GNG7: variants seen among roughly 807,000 people sequenced by gnomAD.
GNG7 encodes the protein guanine nucleotide-binding protein G(I)/G(S)/G(O) subunit gamma-7.
A neutral mutation model predicts 4.0 loss-of-function variants in GNG7; 1 was observed. That is an observed-to-expected ratio of 0.25 (90% CI 0.09 to 1.18). The LOEUF (loss-of-function observed/expected upper bound fraction) is 1.18, where lower values mean the gene tolerates loss of function less well. GNG7 is among the 50% of genes most tolerant of loss of function. The pLI is 0.50. For missense variants in GNG7, 86 were observed against 91.9 expected (o/e 0.94, Z 0.26); for synonymous variants, 34 against 36.9 (o/e 0.92, Z 0.29).
At chr19:2,549,799 CAG>C (rs892153133) in intron 3 of GNG7, among the ~76,000 whole-genome samples, 88 of 152,238 alleles carry the variant, frequency 5.8e-4, no homozygotes, top group African/African-American at 2.0e-3. Flanking sequence ...GCGGGGGTGA[CAG>C]GGGAGCCAGC....
rs1242201170 is a variant in GNG7 at position 2,541,152 on chromosome 19, CCT to C, written c.-38+13995_-38+13996del. On this transcript the variant is annotated intron_variant, in intron 3 of 4. Coordinates refer to ENST00000382159, the MANE Select transcript of GNG7 (RefSeq NM_052847.3). ...GGGTTCCTCCATCGGCAGGGAAGGT[CCT>C]GAGTCCCCCAGACCCTGTTAAAAGA... 7.9e-5 allele frequency among the ~76,000 whole-genome samples: 12 copies of C among 152,294 alleles called. No homozygotes were observed. In the East Asian group the frequency reaches 2.3e-3, roughly 29 times the overall value.
rs1033603494 is a variant in GNG7 at position 2,609,818 on chromosome 19, G to T, written c.-78+36406C>A. On this transcript the variant is annotated intron_variant, in intron 2 of 4. Transcript: ENST00000382159. The surrounding 1 kb of genome is among the most constrained non-coding windows in gnomAD (Gnocchi z 4.4). ...TAGGACAATCCAGTGGGACCTGGGG[G>T]TGCCTCTGGGCCATTGGGGGACCCT... 2.0e-5 allele frequency among the ~76,000 whole-genome samples: 3 copies of T among 152,156 alleles called. No homozygotes were observed. The highest frequency in any genetic ancestry group is 7.2e-5 in the African/African-American group (3 of 41,426).
chr19:2,629,638 G>T (rs1415364996), intron 2 of GNG7, among the ~76,000 whole-genome samples: 1 of 152,204 alleles, frequency 6.6e-6, no homozygotes. Context: ...GAAGACAGAA[G>T]AGCGTAGCCC....
At chr19:2,572,289 G>T (rs1362189612) in intron 2 of GNG7, among the ~76,000 whole-genome samples, 2 of 152,120 alleles carry the variant, frequency 1.3e-5, no homozygotes, top group African/African-American at 4.8e-5. Context: ...ACGTATCTGG[G>T]ACTATAGGTG....
chr19:2,569,503 C>T (rs1980081232), intron 2 of GNG7, among the ~76,000 whole-genome samples: 1 of 152,142 alleles, frequency 6.6e-6, no homozygotes, highest in Admixed American at 6.5e-5. Context: ...TCTCGATCTC[C>T]TGACCTCGGG....
At chr19:2,566,628 G>A (rs1473797602) in intron 2 of GNG7, among the ~76,000 whole-genome samples, 1 of 152,170 alleles carries the variant, frequency 6.6e-6, no homozygotes. Flanking sequence ...ACTGGCTAGA[G>A]GTTGTAAGGC....
intron 2 of GNG7, among the ~76,000 whole-genome samples, chr19:2,627,789 G>T (rs1982058099): frequency 6.6e-6 from 1 of 152,230 alleles, no homozygotes; most frequent in African/African-American, 2.4e-5. Flanking sequence ...ATGTTCTCGA[G>T]ATTTCACTCA....
intron 2 of GNG7, among the ~76,000 whole-genome samples, chr19:2,559,139 T>TAC (rs1053187958): frequency 6.7e-4 from 101 of 151,528 alleles, no homozygotes; most frequent in East Asian, 3.5e-3. Flanking sequence ...TATATATATA[T>TAC]ACACACACAC....
chr19:2,666,437 T>C (rs1448015230), intron 1 of GNG7, among the ~76,000 whole-genome samples: 1 of 152,206 alleles, frequency 6.6e-6, no homozygotes, highest in Non-Finnish European at 1.5e-5. Context: ...CCTCCCAACG[T>C]CCTGGGATTA....
chr19:2,553,912 CATATTGCATGTAAT>C (rs1290587856), intron 3 of GNG7, among the ~76,000 whole-genome samples: 2 of 139,676 alleles, frequency 1.4e-5, no homozygotes, highest in Non-Finnish European at 3.1e-5. Context: ...CATACATGTG[CATATTGCATGTAAT>C]ATATTGTATG....
At chr19:2,545,014 C>T (rs1365549842) in intron 3 of GNG7, among the ~76,000 whole-genome samples, 2 of 152,174 alleles carry the variant, frequency 1.3e-5, no homozygotes, top group African/African-American at 2.4e-5. Context: ...TGGGATTCAC[C>T]TCCTCTCTCC....
chr19:2,546,803 C>G lies in GNG7; in HGVS notation c.-38+8346G>C, dbSNP rs921594277. Among the ~76,000 whole-genome samples the G allele has an allele frequency of 6.6e-6, 1 of 152,100 alleles. No homozygotes were observed. The highest frequency in any genetic ancestry group is 1.9e-4 in the East Asian group (1 of 5,178). On this transcript the variant is annotated intron_variant, in intron 3 of 4. Transcript: ENST00000382159. This position sits in a 1 kb window ranked among gnomAD's most constrained non-coding sequence, Gnocchi z 6.3. ...TCTGTCCACCCGGCGGTGGGGTCGG[C>G]GGGGGCGGGGGATGACCACGGTCAT...
intron 2 of GNG7, among the ~76,000 whole-genome samples, chr19:2,593,244 G>A (rs1015543638): frequency 3.9e-5 from 6 of 152,014 alleles, no homozygotes; most frequent in South Asian, 2.1e-4. Context: ...GGTCACCAAC[G>A]GCCTGATGTT....
rs542092653 is a variant in GNG7 at position 2,516,617 on chromosome 19, G to A, written c.82-1470C>T. On this transcript the variant is annotated intron_variant, in intron 4 of 4. Coordinates refer to ENST00000382159, the MANE Select transcript of GNG7 (RefSeq NM_052847.3). ...AAAGGGTCAGGGACAGATGGACCCC[G>A]TTTTCGGAGTCCAAGACCTCATTCT... Among the ~76,000 whole-genome samples, 11 of 152,318 alleles carry A rather than the reference G, an allele frequency of 7.2e-5. No individual in the cohort carries two copies. The South Asian group carries it at 1.0e-3, about 14-fold the overall frequency.
In GNG7 at chr19:2,546,114, T is replaced by C. The variant is rs1009998358; in HGVS notation, c.-38+9035A>G. Among the ~76,000 whole-genome samples the C allele has an allele frequency of 2.0e-5, 3 of 152,192 alleles. No individual in the cohort carries two copies. Among genetic ancestry groups the C allele is most frequent in the African/African-American group, 4.8e-5 (2 of 41,454 alleles). On this transcript the variant is annotated intron_variant, in intron 3 of 4. Transcript: ENST00000382159. The surrounding 1 kb of genome is among the most constrained non-coding windows in gnomAD (Gnocchi z 6.3). Reference sequence around the variant, plus strand: ...GATGCAGGCCCCCCACGGCCTGCCATGTTCTCACCAGGACGCCAAAGAGGG... The same window carrying C: ...GATGCAGGCCCCCCACGGCCTGCCACGTTCTCACCAGGACGCCAAAGAGGG...
At chr19:2,541,993 T>C (rs1369120535) in intron 3 of GNG7, among the ~76,000 whole-genome samples, 1 of 151,842 alleles carries the variant, frequency 6.6e-6, no homozygotes, top group African/African-American at 2.4e-5. Context: ...CTGTACCCAG[T>C]GCTGCTGGGC....
intron 4 of GNG7, among the ~76,000 whole-genome samples, chr19:2,516,572 C>G (rs1053621094): frequency 6.6e-6 from 1 of 152,176 alleles, no homozygotes; most frequent in Non-Finnish European, 1.5e-5. Context: ...CTTCAGCAAG[C>G]GTTGCCAGAT....
At chr19:2,519,694 T>C (rs1350562260) in intron 4 of GNG7, among the ~76,000 whole-genome samples, 1 of 151,378 alleles carries the variant, frequency 6.6e-6, no homozygotes, top group Non-Finnish European at 1.5e-5. Flanking sequence ...ATCTAATCAG[T>C]TGAAGGGCTT....
At position 2,511,332 on chromosome 19, in the gene GNG7, G is replaced by C. The variant is rs924637272; in HGVS notation, c.*3690C>G. On this transcript the variant is annotated 3_prime_UTR_variant, in exon 5 of 5. Transcript: ENST00000382159. This position sits in a 1 kb window ranked among gnomAD's most constrained non-coding sequence, Gnocchi z 6.3. ...GCGGCACACCTGGAATTTTAAAAAAGTCAGAAATAAAAACAACCAGACATC... is the reference window on the plus strand; with the variant it reads ...GCGGCACACCTGGAATTTTAAAAAACTCAGAAATAAAAACAACCAGACATC... The C allele has an allele frequency of 6.6e-6, 1 of 152,290 alleles. No homozygotes were observed. Among genetic ancestry groups the C allele is most frequent in the Admixed American group, 6.5e-5 (1 of 15,280 alleles). 9.4% of individuals were successfully genotyped at this position (152,290 alleles called of 1,614,324 possible).
Sources: allele counts gnomAD v4.1 joint callset (sites outside exome capture counted in the v4.1 genomes callset), GRCh38; gene constraint gnomAD v4.1.1; non-coding constraint Gnocchi (gnomAD v3.1); transcripts MANE v1.5; gene names NCBI Gene and HGNC (gene_info 2026-07-23, HGNC 2026-07-21).